The following SETBP1 variants were observed in gnomAD, a reference collection of about 807,000 sequenced individuals.
SETBP1 encodes the protein SET binding protein 1.
In SETBP1, 9 loss-of-function variants were observed where a neutral mutation model predicts 101.0. That is an observed-to-expected ratio of 0.09 (90% CI 0.05 to 0.16). The LOEUF is 0.16. SETBP1 is among the 10% of genes least tolerant of loss of function. The pLI, the probability that SETBP1 is intolerant of heterozygous loss-of-function variation, is 1.00. For synonymous variants in SETBP1, 818 were observed against 788.5 expected (o/e 1.04, Z -0.63); for missense variants, 1,858 against 2,033.8 (o/e 0.91, Z 1.66).
chr18:44,874,755 G>T (rs990202495), intron 3 of SETBP1, among the ~76,000 whole-genome samples: 1 of 152,168 alleles, frequency 6.6e-6, no homozygotes, highest in South Asian at 2.1e-4. Context: ...CCCACAATTA[G>T]TCCTACTCAG....
At chr18:44,888,006 C>A (rs2069687444) in intron 3 of SETBP1, among the ~76,000 whole-genome samples, 1 of 152,086 alleles carries the variant, frequency 6.6e-6, no homozygotes, top group Admixed American at 6.5e-5. Flanking sequence ...TCTGGACAAC[C>A]AAGAAAATCA....
chr18:44,737,470 T>C (rs2069994718), intron 2 of SETBP1, among the ~76,000 whole-genome samples: 1 of 152,206 alleles, frequency 6.6e-6, no homozygotes, highest in Non-Finnish European at 1.5e-5. Context: ...GGGAGTACAC[T>C]GTGCTTACTT....
At chr18:44,757,304 T>G (rs779117692) in intron 2 of SETBP1, among the ~76,000 whole-genome samples, 1 of 152,196 alleles carries the variant, frequency 6.6e-6, no homozygotes, top group Non-Finnish European at 1.5e-5. Flanking sequence ...TAAATACACT[T>G]AGTCTCCATT....
intron 2 of SETBP1, among the ~76,000 whole-genome samples, chr18:44,864,897 C>G (rs139562467): frequency 1.4e-3 from 211 of 152,040 alleles, no homozygotes; most frequent in African/African-American, 4.7e-3. Context: ...AACTGTTTCC[C>G]AATGGGATGG....
At chr18:44,731,656 G>A (rs574412306) in intron 2 of SETBP1, among the ~76,000 whole-genome samples, 10 of 151,398 alleles carry the variant, frequency 6.6e-5, no homozygotes, top group East Asian at 5.8e-4. Context: ...ACACACACGC[G>A]CACGCACACA....
At chr18:44,915,547 C>A (rs2070406989) in intron 3 of SETBP1, among the ~76,000 whole-genome samples, 1 of 152,174 alleles carries the variant, frequency 6.6e-6, no homozygotes, top group Non-Finnish European at 1.5e-5. Flanking sequence ...TAATAGCTAA[C>A]AACTAAGGAC....
intron 3 of SETBP1, chr18:44,872,172 T>A (rs969633377): frequency 6.6e-6 from 1 of 152,184 alleles, no homozygotes; most frequent in African/African-American, 2.4e-5. Flanking sequence ...GACATCTAAT[T>A]TTCTTTAGTA....
At chr18:44,722,142 A>T (rs1327592196) in intron 2 of SETBP1, among the ~76,000 whole-genome samples, 1 of 152,232 alleles carries the variant, frequency 6.6e-6, no homozygotes, top group Non-Finnish European at 1.5e-5. Context: ...CTGCGTGGAC[A>T]TGCATGTGTG....
At position 44,995,194 on chromosome 18, in the gene SETBP1, T is replaced by C. The variant is rs556271902; in HGVS notation, c.4000+41854T>C. Reference sequence around the variant, plus strand: ...TCTTGCTCTGTTGCCCAGGCTGGAGTGCAGTGGCGCGATCTTGGCTCACTG... The same window carrying C: ...TCTTGCTCTGTTGCCCAGGCTGGAGCGCAGTGGCGCGATCTTGGCTCACTG... On this transcript the variant is annotated intron_variant, in intron 4 of 5. Transcript: ENST00000649279. 1.7e-4 allele frequency among the ~76,000 whole-genome samples: 24 copies of C among 141,476 alleles called. No homozygotes were observed. In the South Asian group the frequency reaches 1.8e-3, roughly 10 times the overall value. The allele number at this position is 141,476 out of a possible 152,430, so 92.8% of individuals were successfully genotyped here.
intron 3 of SETBP1, among the ~76,000 whole-genome samples, chr18:44,907,529 C>T (rs1170024070): frequency 6.6e-6 from 1 of 152,192 alleles, no homozygotes; most frequent in Non-Finnish European, 1.5e-5. Context: ...TGTCGTCCAT[C>T]TGTTTTATTA....
At chr18:44,692,858 G>A (rs1345845594) in intron 1 of SETBP1, among the ~76,000 whole-genome samples, 2 of 152,176 alleles carry the variant, frequency 1.3e-5, no homozygotes, top group East Asian at 3.9e-4. Context: ...CCCATCAGTG[G>A]GACTTGGGAG....
intron 2 of SETBP1, among the ~76,000 whole-genome samples, chr18:44,792,176 G>T (rs1747212048): frequency 6.6e-6 from 1 of 152,178 alleles, no homozygotes; most frequent in Non-Finnish European, 1.5e-5. Flanking sequence ...CATCAGCAAA[G>T]GGGGAGTACA....
At chr18:44,937,441 C>T (rs1219579296) in intron 3 of SETBP1, among the ~76,000 whole-genome samples, 4 of 119,156 alleles carry the variant, frequency 3.4e-5, no homozygotes, top group African/African-American at 1.3e-4. Context: ...GGCGACAGAG[C>T]GAGACTCCGT....
chr18:44,927,782 G>T (rs1249094235), intron 3 of SETBP1, among the ~76,000 whole-genome samples: 1 of 152,164 alleles, frequency 6.6e-6, no homozygotes, highest in African/African-American at 2.4e-5. Flanking sequence ...AGGGATGTGG[G>T]GATGACTAGG....
At chr18:44,977,360 T>A (rs2072012876) in intron 4 of SETBP1, among the ~76,000 whole-genome samples, 1 of 152,226 alleles carries the variant, frequency 6.6e-6, no homozygotes, top group African/African-American at 2.4e-5. Context: ...TAACTTTGGT[T>A]ATAAACCCTG....
At chr18:44,882,875 C>T (rs745854239) in intron 3 of SETBP1, among the ~76,000 whole-genome samples, 6 of 152,140 alleles carry the variant, frequency 3.9e-5, no homozygotes, top group Non-Finnish European at 7.4e-5. Flanking sequence ...TCAGCCAGTG[C>T]ATTTGGTTTG....
chr18:44,996,859 G>C (rs948147376), intron 4 of SETBP1, among the ~76,000 whole-genome samples: 1 of 152,206 alleles, frequency 6.6e-6, no homozygotes, highest in Non-Finnish European at 1.5e-5. Context: ...AAAGATATGA[G>C]GCTAGTGGAA....
intron 4 of SETBP1, among the ~76,000 whole-genome samples, chr18:45,035,940 C>A (rs1189827046): frequency 6.6e-6 from 1 of 152,138 alleles, no homozygotes; most frequent in Non-Finnish European, 1.5e-5. Context: ...TGCCCCAGTG[C>A]CCATAGGCTT....
intron 2 of SETBP1, among the ~76,000 whole-genome samples, chr18:44,707,630 G>A (rs1050680739): frequency 2.6e-5 from 4 of 152,190 alleles, no homozygotes; most frequent in Admixed American, 2.6e-4. Flanking sequence ...CTTTTGAGAA[G>A]CCAAATAAAT....
Sources: gnomAD v4.1 joint callset for allele counts (sites outside exome capture counted in the v4.1 genomes callset) on GRCh38, gnomAD v4.1.1 for gene constraint, MANE v1.5 for transcripts, NCBI Gene and HGNC (gene_info 2026-07-23, HGNC 2026-07-21) for gene names.